LRP1B: variants seen among roughly 807,000 people sequenced by gnomAD.
LRP1B encodes low-density lipoprotein receptor-related protein 1B.
LRP1B carries 217 observed loss-of-function variants against 556.6 expected under a neutral mutation model. The ratio of observed to expected loss-of-function variants is 0.39; its 90% CI spans 0.35 to 0.44. LRP1B has a LOEUF of 0.44. Ranked by LOEUF, LRP1B falls within the 20% of genes least tolerant of loss-of-function variation. LRP1B has a pLI of 1.00. For synonymous variants in LRP1B, 2,047 were observed against 1,865.8 expected, an observed-to-expected ratio of 1.10 and a Z score of -2.50; for missense variants, 5,053 against 5,620.8, an observed-to-expected ratio of 0.90 and a Z score of 3.23.
At chr2:142,122,835 G>A (rs1043212185) in intron 1 of LRP1B, among the ~76,000 whole-genome samples, 4 of 152,000 alleles carry the variant, frequency 2.6e-5, no homozygotes, top group African/African-American at 9.7e-5. Context: ...AAGCACACTT[G>A]CTATTCTAAC....
At chr2:141,730,842 C>A (rs1448595546) in intron 2 of LRP1B, among the ~76,000 whole-genome samples, 1 of 152,120 alleles carries the variant, frequency 6.6e-6, no homozygotes, top group Admixed American at 6.6e-5. Flanking sequence ...GCTTCATATT[C>A]TTCACTGGAC....
chr2:141,229,330 T>A lies in LRP1B; in HGVS notation c.703A>T (p.Ile235Phe). The A allele has an allele frequency of 1.2e-6, 2 of 1,612,854 alleles. No individual in the cohort carries two copies. The highest frequency in any genetic ancestry group is 1.7e-6 in the Non-Finnish European group (2 of 1,179,114). The change falls in exon 6 of 91, where the codon ATT (isoleucine) becomes TTT (phenylalanine). Residue 235 changes from isoleucine to phenylalanine, a missense_variant. Coordinates refer to ENST00000389484, the MANE Select transcript of LRP1B (RefSeq NM_018557.3). Reference sequence around the variant, plus strand: ...TTATAAATAAAATCCAGAGTATGAATTTCATTTCCATTGACTGAGCTTAGA... The same window carrying A: ...TTATAAATAAAATCCAGAGTATGAAATTCATTTCCATTGACTGAGCTTAGA... The part of the protein sequence containing the change: ...ATLSSVNGNE[I>F]HTLDFIYNED...
intron 2 of LRP1B, among the ~76,000 whole-genome samples, chr2:141,528,854 T>G (rs1364160984): frequency 6.6e-6 from 1 of 152,196 alleles, no homozygotes. Flanking sequence ...TTTCTAAACT[T>G]AAGTACTGTT....
chr2:140,748,828 C>CATATATATTATATACATGTATATATCAT lies in LRP1B; in HGVS notation c.5758+20384_5758+20385insATGATATATACATGTATATAATATATAT, dbSNP rs70988429. ...TTATATACATGTATATAATATATAT[C>CATATATATTATATACATGTATATATCAT]ATATATTATATACATGTATATAATA... is the stretch of plus-strand genomic sequence containing the variant. On this transcript the variant is annotated intron_variant, in intron 35 of 90. Coordinates refer to ENST00000389484, the MANE Select transcript of LRP1B (RefSeq NM_018557.3). 5.0e-5 allele frequency among the ~76,000 whole-genome samples: 4 copies of CATATATATTATATACATGTATATATCAT among 79,504 alleles called. No individual in the cohort carries two copies. In the East Asian group the frequency reaches 1.8e-3, roughly 35 times the overall value. 52.2% of individuals were successfully genotyped at this position (79,504 alleles called of 152,430 possible). A position where few individuals can be genotyped will look rare whatever the true frequency, so the allele number is the denominator to read the frequency against.
At chr2:141,856,182 A>G (rs1239495970) in intron 1 of LRP1B, among the ~76,000 whole-genome samples, 1 of 152,186 alleles carries the variant, frequency 6.6e-6, no homozygotes, top group Admixed American at 6.5e-5. Context: ...TTACAAATAT[A>G]TACCAAGCCT....
At chr2:141,585,422 CGTGTGTGTGT>C (rs3041302) in intron 2 of LRP1B, among the ~76,000 whole-genome samples, 236 of 129,256 alleles carry the variant, frequency 1.8e-3, no homozygotes, top group African/African-American at 5.4e-3. Context: ...CTGAAATAAT[CGTGTGTGTGT>C]GTGTGTGTGT....
Position 140,659,098 on chromosome 2 carries a change from G to GTTTTT in LRP1B, c.6799+41147_6799+41151dup, listed in dbSNP as rs59651364. On this transcript the variant is annotated intron_variant, in intron 41 of 90. Coordinates refer to ENST00000389484, the MANE Select transcript of LRP1B (RefSeq NM_018557.3). ...TGGGTTGTCCCTAAACTGTAAATCT[G>GTTTTT]TTTTTTTTTTTTTTTTTTTTTTTTT... Among the ~76,000 whole-genome samples, 229 of 61,074 alleles carry GTTTTT rather than the reference G, an allele frequency of 3.7e-3. 15 individuals carry two copies. Among genetic ancestry groups the GTTTTT allele is most frequent in the East Asian group, 5.4e-3 (7 of 1,290 alleles). 40.1% of individuals were successfully genotyped at this position (61,074 alleles called of 152,430 possible).
intron 35 of LRP1B, among the ~76,000 whole-genome samples, chr2:140,760,562 C>T (rs544268498): frequency 2.0e-5 from 3 of 152,272 alleles, no homozygotes; most frequent in African/African-American, 7.2e-5. Context: ...CCTTATATTG[C>T]ATGTTTTAAA....
intron 6 of LRP1B, among the ~76,000 whole-genome samples, chr2:141,225,490 TGTCCTTACCACA>T (rs1214374002): frequency 2.0e-5 from 3 of 152,162 alleles, no homozygotes; most frequent in African/African-American, 7.2e-5. Context: ...TGGGTATCTG[TGTCCTTACCACA>T]GTATTCTCCA....
intron 47 of LRP1B, among the ~76,000 whole-genome samples, 194 bp from the exon 48 acceptor site, chr2:140,526,544 C>A (rs191721382): frequency 6.6e-6 from 1 of 150,802 alleles, no homozygotes; most frequent in East Asian, 1.9e-4. Context: ...CCCTATCACA[C>A]AATTCTTCTC....
At chr2:141,289,104 C>A (rs1685839048) in intron 3 of LRP1B, among the ~76,000 whole-genome samples, 1 of 144,948 alleles carries the variant, frequency 6.9e-6, no homozygotes, top group Non-Finnish European at 1.5e-5. Context: ...GCAAATGCGG[C>A]CGGGCGCGGT....
At chr2:141,733,411 G>A (rs536285621) in intron 2 of LRP1B, among the ~76,000 whole-genome samples, 3 of 152,042 alleles carry the variant, frequency 2.0e-5, no homozygotes, top group African/African-American at 4.8e-5. Flanking sequence ...AACTTCGCTC[G>A]GGTTTAGCAT....
chr2:141,424,941 T>A (rs1427305034), intron 3 of LRP1B, among the ~76,000 whole-genome samples: 2 of 152,104 alleles, frequency 1.3e-5, no homozygotes, highest in African/African-American at 4.8e-5. Flanking sequence ...TATTATACTT[T>A]AAGTTTTAGG....
chr2:141,576,363 A>G (rs2105271609), intron 2 of LRP1B, among the ~76,000 whole-genome samples: 1 of 152,224 alleles, frequency 6.6e-6, no homozygotes, highest in East Asian at 1.9e-4. Flanking sequence ...AAAACCAAAC[A>G]CTGCGTGTTC....
chr2:141,690,383 G>T (rs1171051783), intron 2 of LRP1B, among the ~76,000 whole-genome samples: 2 of 79,318 alleles, frequency 2.5e-5, no homozygotes, highest in African/African-American at 9.5e-5. Context: ...CCAGAAAAGG[G>T]ATTACATCTA....
intron 3 of LRP1B, among the ~76,000 whole-genome samples, chr2:141,307,197 G>C (rs1686624554): frequency 6.6e-6 from 1 of 152,018 alleles, no homozygotes; most frequent in Non-Finnish European, 1.5e-5. Context: ...CTCATGCTGA[G>C]AGTAGGGTGT....
intron 1 of LRP1B, among the ~76,000 whole-genome samples, chr2:142,001,610 C>A (rs949865434): frequency 1.1e-4 from 16 of 152,142 alleles, no homozygotes; most frequent in African/African-American, 3.9e-4. Flanking sequence ...GATTCTTTCT[C>A]TTGAAATACA....
At chr2:141,895,596 C>G (rs898663061) in intron 1 of LRP1B, among the ~76,000 whole-genome samples, 8 of 152,110 alleles carry the variant, frequency 5.3e-5, no homozygotes, top group Non-Finnish European at 8.8e-5. Context: ...AAAGGGCTCA[C>G]CATTTTTTTC....
At chr2:141,990,807 C>T (rs1467820319) in intron 1 of LRP1B, among the ~76,000 whole-genome samples, 1 of 151,994 alleles carries the variant, frequency 6.6e-6, no homozygotes, top group Non-Finnish European at 1.5e-5. Context: ...GACTGTCATT[C>T]TGTTAGACTC....
Sources: gnomAD v4.1 joint callset for allele counts (sites outside exome capture counted in the v4.1 genomes callset) on GRCh38, gnomAD v4.1.1 for gene constraint, MANE v1.5 for transcripts, NCBI Gene and HGNC (gene_info 2026-07-23, HGNC 2026-07-21) for gene names.